NEK6: variants seen among roughly 807,000 people sequenced by gnomAD.
The protein encoded by NEK6 is NIMA related kinase 6.
Under a neutral mutation model 43.5 loss-of-function variants are expected in NEK6, and 27 were observed. That is an observed-to-expected ratio of 0.62 (90% CI 0.46 to 0.86). NEK6 has a LOEUF of 0.86. Among genes scored for constraint, NEK6 ranks in the 40% least tolerant of loss-of-function variants. NEK6 has a pLI of 0.00. For synonymous variants in NEK6, 167 were observed against 164.1 expected (o/e 1.02, Z -0.14); for missense variants, 318 against 414.4 (o/e 0.77, Z 2.02).
At chr9:124,315,981 C>T (rs565050820) in intron 4 of NEK6, among the ~76,000 whole-genome samples, 11 of 152,340 alleles carry the variant, frequency 7.2e-5, no homozygotes, top group East Asian at 1.9e-4. Flanking sequence ...CTCAGGGCAG[C>T]GCTGGTGTGT....
At chr9:124,257,885 C>T (rs1830866632), upstream of NEK6, 3 of 992,096 alleles carry the variant, frequency 3.0e-6, no homozygotes, top group Admixed American at 1.7e-4. Context: ...CGCGCACGAG[C>T]GCTGGGGGCG....
chr9:124,267,266 G>A (rs544447053), intron 1 of NEK6, among the ~76,000 whole-genome samples: 11 of 152,390 alleles, frequency 7.2e-5, no homozygotes, highest in South Asian at 6.2e-4. Flanking sequence ...GGCCACCAGC[G>A]TGGGTGCCCA....
intron 7 of NEK6, among the ~76,000 whole-genome samples, chr9:124,329,275 G>T (rs975206577): frequency 6.7e-6 from 1 of 149,986 alleles, no homozygotes; most frequent in South Asian, 2.2e-4. Flanking sequence ...AAATTCAAGG[G>T]AAGCTGTCAA....
intron 7 of NEK6, among the ~76,000 whole-genome samples, chr9:124,331,981 G>A (rs1025623606): frequency 2.0e-5 from 3 of 152,222 alleles, no homozygotes; most frequent in Non-Finnish European, 2.9e-5. Context: ...AGTTTCAGCC[G>A]AGGTTCTGAG....
intron 1 of NEK6, chr9:124,291,997 C>G: frequency 1.0e-6 from 1 of 989,106 alleles, no homozygotes; most frequent in Non-Finnish European, 1.2e-6. Flanking sequence ...GAGAGGCGAC[C>G]CAGCTCCCTG....
intron 7 of NEK6, among the ~76,000 whole-genome samples, chr9:124,335,800 TC>T (rs751236819): frequency 1.4e-4 from 21 of 152,208 alleles, no homozygotes; most frequent in Non-Finnish European, 2.9e-4. Context: ...TAGTTCTTCA[TC>T]CATCTCCATT....
chr9:124,347,837 GCCGGAGGCCTCGCCAGCCC>G lies in NEK6; in HGVS notation c.831+17_831+35del. On this transcript the variant is annotated intron_variant, in intron 9 of 9. Transcript: ENST00000320246. ...ACTCCGAGAAGGTGAGTTTGCAGGAGCCGGAGGCCTCGCCAGCCCCAGGAGGCCACCGAGGCTTATGAGG... is the reference window on the plus strand; with the variant it reads ...ACTCCGAGAAGGTGAGTTTGCAGGAGCAGGAGGCCACCGAGGCTTATGAGG... The G allele has an allele frequency of 6.4e-7, 1 of 1,565,132 alleles. No individual in the cohort carries two copies. The highest frequency in any genetic ancestry group is 1.7e-4 in the Middle Eastern group (1 of 5,930).
chr9:124,281,008 C>G (rs1831878881), intron 1 of NEK6, among the ~76,000 whole-genome samples: 1 of 152,158 alleles, frequency 6.6e-6, no homozygotes, highest in Non-Finnish European at 1.5e-5. Context: ...CCAGGCTGGT[C>G]TCGAACTCCT....
chr9:124,266,989 G>A (rs1268153582), intron 1 of NEK6, among the ~76,000 whole-genome samples: 4 of 152,166 alleles, frequency 2.6e-5, no homozygotes, highest in Admixed American at 6.5e-5. Flanking sequence ...CTTCCCTGCC[G>A]AGGCAGCTCC....
At chr9:124,287,960 A>C (rs1367696555) in intron 1 of NEK6, among the ~76,000 whole-genome samples, 1 of 152,208 alleles carries the variant, frequency 6.6e-6, no homozygotes, top group African/African-American at 2.4e-5. Flanking sequence ...TATTTTATGG[A>C]GACAGTGGGG....
intron 2 of NEK6, among the ~76,000 whole-genome samples, 160 bp downstream of exon 2, chr9:124,302,214 A>C (rs960513707): frequency 6.6e-6 from 1 of 152,184 alleles, no homozygotes; most frequent in South Asian, 2.1e-4. Context: ...TACCAAATCT[A>C]GTGAGCTCAT....
At chr9:124,290,415 G>A (rs1404592147) in intron 1 of NEK6, among the ~76,000 whole-genome samples, 1 of 152,248 alleles carries the variant, frequency 6.6e-6, no homozygotes, top group Non-Finnish European at 1.5e-5. Flanking sequence ...GCATGTGCCC[G>A]ACAGTTGGGG....
intron 1 of NEK6, chr9:124,292,820 C>T: frequency 7.0e-7 from 1 of 1,433,848 alleles, no homozygotes; most frequent in Non-Finnish European, 9.2e-7. Flanking sequence ...GGTTTAGTCT[C>T]TACCCTCAAG....
chr9:124,339,939 T>G (rs1255359124), intron 8 of NEK6, among the ~76,000 whole-genome samples: 1 of 151,908 alleles, frequency 6.6e-6, no homozygotes, highest in African/African-American at 2.4e-5. Context: ...AGGCATCTGA[T>G]CCCCAGCTGC....
chr9:124,320,338 G>A (rs1003902754), intron 4 of NEK6, among the ~76,000 whole-genome samples: 8 of 152,234 alleles, frequency 5.3e-5, no homozygotes, highest in Non-Finnish European at 1.2e-4. Context: ...CACACATGGG[G>A]GGCTGGCTTG....
intron 2 of NEK6, among the ~76,000 whole-genome samples, chr9:124,304,209 C>T (rs1332344821): frequency 6.6e-6 from 1 of 152,216 alleles, no homozygotes; most frequent in Admixed American, 6.5e-5. Context: ...GCTCCTGAAG[C>T]CTTGGGGATT....
intron 1 of NEK6, among the ~76,000 whole-genome samples, chr9:124,298,206 C>T (rs1264634448): frequency 6.6e-6 from 1 of 152,012 alleles, no homozygotes; most frequent in African/African-American, 2.4e-5. Flanking sequence ...TTCCTTTCTC[C>T]CTTCCTCCTT....
In NEK6 at chr9:124,350,861, A is replaced by G; in HGVS notation, c.856A>G (p.Ile286Val). Residue 286 changes from isoleucine to valine, a missense_variant, in exon 10 of 10, where the codon ATC (isoleucine) becomes GTC (valine). Ile to Val is a conservative substitution (Grantham distance 29, BLOSUM62 3). This residue lies in a region of NEK6 where 79 missense variants were observed against 70.0 expected (regional missense o/e 1.13). Transcript: ENST00000320246. ...GTTACGAGAACTGGTCAGCATGTGC[A>G]TCTGCCCTGACCCCCACCAGAGACC... Reference protein sequence around the residue: ...EKLRELVSMCICPDPHQRPDI... With the variant: ...EKLRELVSMCVCPDPHQRPDI... The G allele has an allele frequency of 6.2e-7, 1 of 1,612,826 alleles. No homozygotes were observed. Among genetic ancestry groups the G allele is most frequent in the Non-Finnish European group, 8.5e-7 (1 of 1,179,854 alleles).
intron 1 of NEK6, among the ~76,000 whole-genome samples, chr9:124,293,661 A>G (rs1220482209): frequency 6.6e-6 from 1 of 152,224 alleles, no homozygotes; most frequent in East Asian, 1.9e-4. Context: ...AGCCCTCAGC[A>G]GAGGTTTCTT....
Sources: gnomAD v4.1 joint callset for allele counts (sites outside exome capture counted in the v4.1 genomes callset) on GRCh38, gnomAD v4.1.1 for gene constraint, gnomAD v4.1.1 regional missense constraint, MANE v1.5 for transcripts, NCBI Gene and HGNC (gene_info 2026-07-23, HGNC 2026-07-21) for gene names.